The following SRGAP3 variants were observed in gnomAD, a reference collection of about 807,000 sequenced individuals.
SRGAP3 encodes the protein SLIT-ROBO Rho GTPase-activating protein 3.
In SRGAP3, 39 loss-of-function variants were observed where a neutral mutation model predicts 121.1. The observed-to-expected ratio is 0.32, with a 90% CI of 0.25 to 0.42. The LOEUF (loss-of-function observed/expected upper bound fraction) is 0.42. SRGAP3 is among the 10% of genes least tolerant of loss of function. The pLI, the probability that SRGAP3 is intolerant of heterozygous loss-of-function variation, is 1.00. For synonymous variants in SRGAP3, 601 were observed against 570.0 expected (o/e 1.05, Z -0.77); for missense variants, 1,213 against 1,470.6 (o/e 0.82, Z 2.86).
intron 3 of SRGAP3, among the ~76,000 whole-genome samples, chr3:9,296,607 T>C (rs1559264715): frequency 6.6e-6 from 1 of 152,246 alleles, no homozygotes; most frequent in African/African-American, 2.4e-5. Flanking sequence ...GTACAGGTTC[T>C]GGATTCAGAT....
chr3:9,333,725 G>A (rs575663031), intron 1 of SRGAP3, among the ~76,000 whole-genome samples: 4 of 151,970 alleles, frequency 2.6e-5, no homozygotes, highest in Admixed American at 6.6e-5. Context: ...TCTGATCTGC[G>A]ATAAAAGAAT....
At chr3:9,333,062 C>T (rs1488966928) in intron 1 of SRGAP3, among the ~76,000 whole-genome samples, 2 of 152,134 alleles carry the variant, frequency 1.3e-5, no homozygotes, top group African/African-American at 2.4e-5. Flanking sequence ...AATGACTTAG[C>T]ATATTTTAGT....
chr3:9,087,790 C>T lies in SRGAP3; in HGVS notation c.424-7703G>A, dbSNP rs2124833574. Among the ~76,000 whole-genome samples the T allele has an allele frequency of 2.0e-5, 3 of 152,182 alleles. No individual in the cohort carries two copies. The South Asian group carries it at 6.2e-4, about 32-fold the overall frequency. On this transcript the variant is annotated intron_variant, in intron 3 of 21. Coordinates refer to ENST00000383836, the MANE Select transcript of SRGAP3 (RefSeq NM_014850.4). ...GTTTAAGATGACCAGGGCTACGCTTCAGGAAGGTGAAGACACCAGTGAATG... is the reference window on the plus strand; with the variant it reads ...GTTTAAGATGACCAGGGCTACGCTTTAGGAAGGTGAAGACACCAGTGAATG...
chr3:9,346,216 AATGTTGTTTTT>A (rs1200042087), intron 1 of SRGAP3, among the ~76,000 whole-genome samples: 4 of 151,778 alleles, frequency 2.6e-5, no homozygotes, highest in African/African-American at 9.7e-5. Context: ...GTTAAAGTGT[AATGTTGTTTTT>A]CTATCTTTAA....
At chr3:9,212,244 C>T (rs538865635) in intron 1 of SRGAP3, among the ~76,000 whole-genome samples, 3 of 152,332 alleles carry the variant, frequency 2.0e-5, no homozygotes, top group South Asian at 4.1e-4. Context: ...CCATAAACCA[C>T]GCTGGTCCCA....
intron 3 of SRGAP3, among the ~76,000 whole-genome samples, chr3:9,255,867 T>A (rs1225019333): frequency 6.6e-6 from 1 of 152,136 alleles, no homozygotes; most frequent in Non-Finnish European, 1.5e-5. Context: ...CCTCACACAG[T>A]CCTTTGAGAT....
intron 1 of SRGAP3, among the ~76,000 whole-genome samples, chr3:9,130,413 C>G (rs755614123): frequency 6.6e-6 from 1 of 152,210 alleles, no homozygotes; most frequent in South Asian, 2.1e-4. Flanking sequence ...CAAGACCAAA[C>G]CTTGTCATAT....
chr3:9,287,394 G>A (rs530644620), intron 3 of SRGAP3, among the ~76,000 whole-genome samples: 5 of 152,250 alleles, frequency 3.3e-5, no homozygotes, highest in Admixed American at 6.5e-5. Flanking sequence ...TACTGGTGAC[G>A]AGTTCTCTCA....
chr3:9,246,553 C>T (rs1311171534), intron 1 of SRGAP3, among the ~76,000 whole-genome samples: 1 of 152,192 alleles, frequency 6.6e-6, no homozygotes, highest in Non-Finnish European at 1.5e-5. Context: ...TTGGGCAAGT[C>T]ATTTAACATT....
chr3:9,096,631 C>T (rs992343184), intron 3 of SRGAP3, among the ~76,000 whole-genome samples: 4 of 151,728 alleles, frequency 2.6e-5, no homozygotes, highest in East Asian at 1.9e-4. Flanking sequence ...TCCCTCCACA[C>T]GGCACTGGAT....
chr3:9,348,559 G>A (rs1406684816), intron 1 of SRGAP3: 1 of 791,304 alleles, frequency 1.3e-6, no homozygotes, highest in Admixed American at 1.7e-5. Context: ...AGGAGGCGAA[G>A]TGTGGCAGGC....
chr3:9,038,587 A>G (rs1944880669), intron 10 of SRGAP3, among the ~76,000 whole-genome samples: 3 of 152,268 alleles, frequency 2.0e-5, no homozygotes, highest in African/African-American at 7.2e-5. Flanking sequence ...TACCAGCCGT[A>G]AGGCTGGTGC....
At chr3:9,068,898 G>A (rs1269602102) in intron 4 of SRGAP3, among the ~76,000 whole-genome samples, 1 of 152,158 alleles carries the variant, frequency 6.6e-6, no homozygotes, top group Non-Finnish European at 1.5e-5. Flanking sequence ...AGCATCTATT[G>A]AGCACTTACT....
rs36036357 is a variant in SRGAP3 at position 9,362,162 on chromosome 3, CTTTTTTTTTT to C, written n.214+668_214+677del. Among the ~76,000 whole-genome samples the C allele has an allele frequency of 6.6e-5, 6 of 90,960 alleles. No homozygotes were observed. The South Asian group carries it at 1.1e-3, about 17-fold the overall frequency. The allele number at this position is 90,960 out of a possible 152,430, so 59.7% of individuals were successfully genotyped here. A position where few individuals can be genotyped will look rare whatever the true frequency, so the allele number is the denominator to read the frequency against. On this transcript the variant is annotated intron_variant and non_coding_transcript_variant, in intron 1 of 3. Coordinates refer to the SRGAP3 transcript ENST00000490889. ...AAATGGCTACCATGCAGGTTCAACT[CTTTTTTTTTT>C]TTTTTTTTTTTTTTTTTGAGATGAT...
intron 10 of SRGAP3, among the ~76,000 whole-genome samples, chr3:9,042,469 G>A (rs556656016): frequency 6.6e-6 from 1 of 151,452 alleles, no homozygotes; most frequent in Non-Finnish European, 1.5e-5. Flanking sequence ...ATAGGGCCAG[G>A]GAGGGAAATA....
chr3:9,028,841 G>C lies in SRGAP3; in HGVS notation c.1540-1846C>G, dbSNP rs1434284375. On this transcript the variant is annotated intron_variant, in intron 12 of 21. Transcript: ENST00000383836. The stretch of plus-strand genomic sequence containing the variant: ...GAATACAAAAGCTGAGGAAGGCCTG[G>C]AGGAGAAAGGGAAGTTGAGTCAGAA... Among the ~76,000 whole-genome samples the C allele has an allele frequency of 2.0e-5, 3 of 152,312 alleles. No individual in the cohort carries two copies. In the East Asian group the frequency reaches 5.8e-4, roughly 29 times the overall value.
At chr3:9,044,250 A>G (rs1945150119) in intron 10 of SRGAP3, among the ~76,000 whole-genome samples, 1 of 152,198 alleles carries the variant, frequency 6.6e-6, no homozygotes. Flanking sequence ...AATATGTTCC[A>G]AGACCCCCAG....
intron 1 of SRGAP3, among the ~76,000 whole-genome samples, chr3:9,347,639 A>G (rs556651710): frequency 6.6e-6 from 1 of 152,330 alleles, no homozygotes; most frequent in South Asian, 2.1e-4. Context: ...AGATCTTCCT[A>G]TATAAGTTAC....
chr3:9,038,376 G>A (rs1395981951), intron 10 of SRGAP3, among the ~76,000 whole-genome samples: 2 of 152,164 alleles, frequency 1.3e-5, no homozygotes, highest in Admixed American at 6.5e-5. Flanking sequence ...AAACATCTGG[G>A]GGTCTTGTTA....
Sources: gnomAD v4.1 joint callset for allele counts (sites outside exome capture counted in the v4.1 genomes callset) on GRCh38, gnomAD v4.1.1 for gene constraint, MANE v1.5 for transcripts, NCBI Gene and HGNC (gene_info 2026-07-23, HGNC 2026-07-21) for gene names.